Variants in DOCK11 observed in about 807,000 individuals in gnomAD.
DOCK11 encodes dedicator of cytokinesis protein 11.
A neutral mutation model predicts 169.1 loss-of-function variants in DOCK11; 70 were observed. The ratio of observed to expected loss-of-function variants is 0.41; its 90% CI spans 0.34 to 0.51. DOCK11 has a LOEUF of 0.51. Among genes scored for constraint, DOCK11 ranks in the 20% least tolerant of loss-of-function variants. The pLI, the probability that DOCK11 is intolerant of heterozygous loss-of-function variation, is 0.10. For synonymous variants in DOCK11, 529 were observed against 541.3 expected, an observed-to-expected ratio of 0.98 and a Z score of 0.32; for missense variants, 1,166 against 1,538.8, an observed-to-expected ratio of 0.76 and a Z score of 4.05.
chrX:118,568,489 G>A (rs1044284991), intron 10 of DOCK11, among the ~76,000 whole-genome samples: 1 of 98,681 alleles, frequency 1.0e-5, no homozygotes, highest in Non-Finnish European at 2.0e-5. Context: ...TTAAAGCACC[G>A]TTAAAGATGG....
rs1022482331 is a variant in DOCK11, at chrX:118,607,934, A to G, written c.2682-138A>G. ...TTGTTATGCCTAAACTATCACCATT[A>G]TATCTAATGCAATCATCTCACTTTT... On this transcript the variant is annotated intron_variant, in intron 24 of 52. Coordinates refer to ENST00000276202, the MANE Select transcript of DOCK11 (RefSeq NM_144658.4). The G allele has an allele frequency of 5.2e-5, 25 of 482,343 alleles. No homozygotes were observed. In the East Asian group the frequency reaches 8.7e-4, roughly 17 times the overall value. 39.8% of individuals were successfully genotyped at this position (482,343 alleles called of 1,213,427 possible).
In DOCK11 at chrX:118,652,017, A is replaced by G. The variant is rs2015959129; in HGVS notation, c.4635A>G (p.Ser1545=). The G allele has an allele frequency of 8.3e-7, 1 of 1,208,754 alleles. No individual in the cohort carries two copies. Among genetic ancestry groups the G allele is most frequent in the East Asian group, 3.0e-5 (1 of 33,666 alleles). ...CTGATGTAGCACTAAGCGGAGGATC[A>G]AGATTTCAGGAGTCTTTATTCATTA... The part of the protein sequence containing the change: ...LIADVALSGG[S]RFQESLFIIN... The change falls in exon 42 of 53, where the codon TCA becomes TCG. Residue 1545 remains serine, a synonymous_variant. Transcript: ENST00000276202.
At chrX:118,549,270 G>T (rs1882684985) in intron 6 of DOCK11, among the ~76,000 whole-genome samples, 1 of 108,721 alleles carries the variant, frequency 9.2e-6, no homozygotes, top group Non-Finnish European at 1.9e-5. Context: ...TCAGCCTCCT[G>T]TGTAGCTGGG....
chrX:118,513,604 C>G (rs2057663830), intron 1 of DOCK11, among the ~76,000 whole-genome samples: 2 of 111,676 alleles, frequency 1.8e-5, no homozygotes, highest in African/African-American at 6.5e-5. Flanking sequence ...AGAGCGAGAC[C>G]TTGTCTCAAA....
At chrX:118,620,210 G>A (rs73228275) in intron 31 of DOCK11, among the ~76,000 whole-genome samples, 2,317 of 111,535 alleles carry the variant, frequency 0.021, 26 homozygotes, top group Middle Eastern at 0.051. Context: ...GGATTTAGAA[G>A]ACTCTAATTT....
chrX:118,625,820 G>A (rs1292978320), intron 32 of DOCK11, among the ~76,000 whole-genome samples: 1 of 111,220 alleles, frequency 9.0e-6, no homozygotes, highest in Non-Finnish European at 1.9e-5. Context: ...TTAAGAATTA[G>A]AAGGAACTTT....
At chrX:118,673,359 C>A (rs954282252) in intron 46 of DOCK11, among the ~76,000 whole-genome samples, 1 of 111,305 alleles carries the variant, frequency 9.0e-6, no homozygotes, top group Non-Finnish European at 1.9e-5. Flanking sequence ...GTGATTCCGG[C>A]CACTTGGGAG....
chrX:118,614,645 T>A, intron 28 of DOCK11, 47 bp from the exon 29 acceptor site: 1 of 944,346 alleles, frequency 1.1e-6, no homozygotes, highest in Non-Finnish European at 1.5e-6. Context: ...AAATTTAGAC[T>A]TTTAGAATTA....
chrX:118,665,033 T>C (rs946938309), intron 45 of DOCK11, among the ~76,000 whole-genome samples: 22 of 112,220 alleles, frequency 2.0e-4, no homozygotes, highest in African/African-American at 7.1e-4. Flanking sequence ...ACCTAGAAGC[T>C]TTACCTACTA....
intron 35 of DOCK11, among the ~76,000 whole-genome samples, chrX:118,636,127 T>A (rs1337573106): frequency 9.0e-6 from 1 of 111,377 alleles, no homozygotes; most frequent in Non-Finnish European, 1.9e-5. Context: ...ATAAAAAGGA[T>A]CATTGATGCT....
At chrX:118,516,024 C>T (rs1374163753) in intron 1 of DOCK11, among the ~76,000 whole-genome samples, 3 of 3,499 alleles carry the variant, frequency 8.6e-4, no homozygotes, top group Non-Finnish European at 1.2e-3. Flanking sequence ...TATATACATT[C>T]TTACACCAGA....
intron 20 of DOCK11, among the ~76,000 whole-genome samples, chrX:118,596,063 A>G (rs939118136): frequency 8.9e-6 from 1 of 112,473 alleles, no homozygotes; most frequent in African/African-American, 3.2e-5. Context: ...TGTGTGGTAT[A>G]TCTGAATGAG....
At chrX:118,499,125 T>G (rs1053605660) in intron 1 of DOCK11, among the ~76,000 whole-genome samples, 4 of 112,099 alleles carry the variant, frequency 3.6e-5, no homozygotes, top group Non-Finnish European at 5.6e-5. Flanking sequence ...AAGAGAGAAG[T>G]GTTTACATAT....
chrX:118,514,779 A>T (rs1474426009), intron 1 of DOCK11, among the ~76,000 whole-genome samples: 1 of 112,333 alleles, frequency 8.9e-6, no homozygotes, highest in Non-Finnish European at 1.9e-5. Context: ...AGGGAATCCT[A>T]TCTGTCCTTC....
chrX:118,508,472 C>T (rs947663731), intron 1 of DOCK11, among the ~76,000 whole-genome samples: 1 of 111,331 alleles, frequency 9.0e-6, no homozygotes, highest in Non-Finnish European at 1.9e-5. Flanking sequence ...TAGGTGAACA[C>T]GTTCCTAATG....
At chrX:118,521,635 G>A (rs1264710994) in intron 1 of DOCK11, among the ~76,000 whole-genome samples, 4 of 112,353 alleles carry the variant, frequency 3.6e-5, no homozygotes, top group Non-Finnish European at 5.6e-5. Context: ...TGTAGTTCAC[G>A]CAATAGTCAG....
At chrX:118,556,759 GA>G (rs58350422) in intron 6 of DOCK11, among the ~76,000 whole-genome samples, 26,796 of 80,885 alleles carry the variant, frequency 0.33, 3,937 homozygotes, top group East Asian at 0.53. Flanking sequence ...TCTGTCTCCG[GA>G]AAAAAAAAAA....
intron 40 of DOCK11, among the ~76,000 whole-genome samples, chrX:118,648,575 A>G (rs1318306839): frequency 1.1e-5 from 1 of 92,053 alleles, no homozygotes; most frequent in Non-Finnish European, 2.1e-5. Context: ...TTATATACAT[A>G]TATATAAATA....
Position 118,649,030 on chromosome X carries a change from G to A in DOCK11, c.4484G>A (p.Ser1495Asn), listed in dbSNP as rs1204622380. The A allele has an allele frequency of 1.7e-6, 2 of 1,208,811 alleles. No homozygotes were observed. The highest frequency in any genetic ancestry group is 2.3e-4 in the Middle Eastern group (1 of 4,316). The part of the protein sequence containing the change: ...EVLKCCTSKI[S>N]STRNEASALL... Reference sequence around the variant, plus strand: ...TTAAAGTGCTGCACATCGAAGATTAGCTCAACCAGGAATGAAGCATCTGCA... The same window carrying A: ...TTAAAGTGCTGCACATCGAAGATTAACTCAACCAGGAATGAAGCATCTGCA... The change falls in exon 41 of 53, where the codon AGC (serine) becomes AAC (asparagine). Residue 1495 changes from serine (S) to asparagine (N), a missense_variant. Physicochemically the swap from Ser to Asn is conservative, Grantham distance 46. Coordinates refer to ENST00000276202, the MANE Select transcript of DOCK11 (RefSeq NM_144658.4).
Sources: allele counts gnomAD v4.1 joint callset (sites outside exome capture counted in the v4.1 genomes callset), GRCh38; gene constraint gnomAD v4.1.1; transcripts MANE v1.5; gene names NCBI Gene and HGNC (gene_info 2026-07-23, HGNC 2026-07-21).